The following LHB variants were observed in gnomAD, a reference collection of about 807,000 sequenced individuals.
LHB encodes the protein lutropin subunit beta.
In LHB, 11 loss-of-function variants were observed where a neutral mutation model predicts 10.6. The observed-to-expected ratio is 1.04, with a 90% confidence interval of 0.66 to 1.72. The LOEUF (loss-of-function observed/expected upper bound fraction) is 1.72, where lower values mean the gene tolerates loss of function less well. Among genes scored for constraint, LHB ranks in the 40% most tolerant of loss-of-function variants. The pLI is 0.00. For missense variants in LHB, 184 were observed against 197.3 expected, an observed-to-expected ratio of 0.93 and a Z score of 0.41; for synonymous variants, 86 against 83.1, an observed-to-expected ratio of 1.03 and a Z score of -0.19.
upstream of LHB, chr19:49,019,033 G>C: frequency 1.6e-5 from 25 of 1,516,154 alleles, no homozygotes; most frequent in Non-Finnish European, 2.2e-5. Flanking sequence ...GCATACCCAA[G>C]ACATAGATTT....
rs779403219 is a variant in LHB at position 49,016,664 on chromosome 19, C to A, written c.66G>T (p.Arg22Ser). Reference protein sequence around the residue: ...LLSMGGAWASREPLRPWCHPI... With the variant: ...LLSMGGAWASSEPLRPWCHPI... ...GGTGGCACCATGGCCGAAGCGGCTC[C>A]CTGGATGCCCATGCCCCGCCCATGC... Residue 22 changes from arginine to serine, a missense_variant, in exon 2 of 3, where the codon AGG (arginine) becomes AGT (serine). Coordinates refer to ENST00000649238, the MANE Select transcript of LHB (RefSeq NM_000894.3). 6.2e-7 allele frequency: 1 copy of A among 1,612,126 alleles called. No individual in the cohort carries two copies. The highest frequency in any genetic ancestry group is 8.5e-7 in the Non-Finnish European group (1 of 1,179,816).
At chr19:49,017,731 G>C (rs1397804350), upstream of LHB, 29 of 456,334 alleles carry the variant, frequency 6.4e-5, no homozygotes, top group Middle Eastern at 5.8e-4. Context: ...ACGCCCGCAG[G>C]GTGCGTGTCT....
At chr19:49,017,929 C>G (rs1263387132), upstream of LHB, 1 of 398,474 alleles carries the variant, frequency 2.5e-6, no homozygotes, top group African/African-American at 2.1e-5. Context: ...GGCAGCGCGG[C>G]CCTGGGGGCG....
rs376444705 is a variant in LHB at position 49,016,162 on chromosome 19, C to G, written c.332G>C (p.Gly111Ala). The G allele has an allele frequency of 5.0e-6, 8 of 1,612,598 alleles. No homozygotes were observed. The African/African-American group carries it at 5.3e-5, about 11-fold the overall frequency. Residue 111 changes from glycine to alanine, a missense_variant, in exon 3 of 3, where the codon GGA (glycine) becomes GCA (alanine). Coordinates refer to ENST00000649238, the MANE Select transcript of LHB (RefSeq NM_000894.3). Reference sequence around the variant, plus strand: ...GTCAGAGGTGCTGCGGCGGCAGGGTCCACAGCGACAGCTGAGAGCCACAGG... The same window carrying G: ...GTCAGAGGTGCTGCGGCGGCAGGGTGCACAGCGACAGCTGAGAGCCACAGG... ...SFPVALSCRC[G>A]PCRRSTSDCG...
chr19:49,018,475 G>A (rs2039593204), upstream of LHB: 6 of 497,178 alleles, frequency 1.2e-5, no homozygotes, highest in Non-Finnish European at 1.9e-5. Context: ...GACGCGACCC[G>A]GCACGCGTTG....
upstream of LHB, among the ~76,000 whole-genome samples, chr19:49,018,637 C>G (rs1221371130): frequency 6.6e-6 from 1 of 151,988 alleles, no homozygotes; most frequent in Non-Finnish European, 1.5e-5. Context: ...GGAATCCCCT[C>G]GAGCCGCTGT....
At chr19:49,019,127 C>A, upstream of LHB, 4 of 1,429,574 alleles carry the variant, frequency 2.8e-6, no homozygotes, top group African/African-American at 1.4e-5. Flanking sequence ...GGCCCTCACA[C>A]CCCGCCCCAG....
At chr19:49,017,819 C>T (rs1384137102), upstream of LHB, 11 of 399,870 alleles carry the variant, frequency 2.8e-5, no homozygotes, top group Non-Finnish European at 8.8e-6. Flanking sequence ...GAGTGGGTGT[C>T]TGGGCTAGTC....
chr19:49,017,804 C>T (rs2039583553), upstream of LHB: 1 of 400,788 alleles, frequency 2.5e-6, no homozygotes, highest in Non-Finnish European at 4.4e-6. Context: ...CGTGATGCCG[C>T]AGCTGAGTGG....
intron 1 of LHB, 126 bp downstream of exon 1, chr19:49,016,941 A>G: frequency 1.2e-6 from 2 of 1,607,336 alleles, no homozygotes; most frequent in East Asian, 2.2e-5. Context: ...CCCCACCTGA[A>G]GCTTACTGGG....
At chr19:49,017,974 C>T (rs1322576811), upstream of LHB, 3 of 398,452 alleles carry the variant, frequency 7.5e-6, no homozygotes, top group African/African-American at 6.2e-5. Context: ...CGGCTCACAC[C>T]AGCGCCGGCT....
intron 2 of LHB, 73 bp from the exon 3 acceptor site, chr19:49,016,383 C>T: frequency 1.9e-6 from 3 of 1,602,486 alleles, no homozygotes; most frequent in Middle Eastern, 2.3e-4. Flanking sequence ...CAAGCTGACC[C>T]CACAGGTCCT....
upstream of LHB, chr19:49,017,594 C>G: frequency 9.2e-7 from 1 of 1,089,358 alleles, no homozygotes; most frequent in Non-Finnish European, 1.1e-6. Context: ...CAGATGCCCC[C>G]AAGGAGGGAT....
At chr19:49,018,586 C>A (rs528397034), upstream of LHB, among the ~76,000 whole-genome samples, 138 of 152,184 alleles carry the variant, frequency 9.1e-4, no homozygotes, top group African/African-American at 3.2e-3. Flanking sequence ...GAAGGAGTAT[C>A]TGGGGGCTCA....
Position 49,016,181 on chromosome 19 carries a change from C to G in LHB, c.313G>C (p.Ala105Pro), listed in dbSNP as rs778529225. Residue 105 changes from alanine to proline, a missense_variant, in exon 3 of 3, where the codon GCT becomes CCT. Coordinates refer to ENST00000649238, the MANE Select transcript of LHB (RefSeq NM_000894.3). The stretch of plus-strand genomic sequence containing the variant: ...CAGGGTCCACAGCGACAGCTGAGAG[C>G]CACAGGGAAGGAGACCACGGGGTCC... ...GVDPVVSFPV[A>P]LSCRCGPCRR... is the part of the protein sequence containing the mutation. The G allele has an allele frequency of 6.2e-7, 1 of 1,612,634 alleles. No homozygotes were observed. Among genetic ancestry groups the G allele is most frequent in the South Asian group, 1.1e-5 (1 of 91,016 alleles).
intron 1 of LHB, 65 bp from the exon 2 acceptor site, chr19:49,016,779 C>G: frequency 6.2e-7 from 1 of 1,603,186 alleles, no homozygotes; most frequent in Non-Finnish European, 8.5e-7. Context: ...CCTTCCCATC[C>G]CGCGTGGTAC....
intron 2 of LHB, 78 bp downstream of exon 2, chr19:49,016,469 A>C: frequency 6.2e-7 from 1 of 1,603,798 alleles, no homozygotes; most frequent in South Asian, 1.1e-5. Context: ...AGAGAGGCAG[A>C]CCACCCTTCC....
upstream of LHB, chr19:49,017,495 CT>C (rs1447687472): frequency 1.8e-6 from 2 of 1,141,472 alleles, no homozygotes; most frequent in Non-Finnish European, 2.2e-6. Context: ...ACAGTCCAAC[CT>C]AACAGGAGGG....
upstream of LHB, chr19:49,017,853 G>C (rs1298497708): frequency 7.5e-6 from 3 of 398,288 alleles, no homozygotes; most frequent in Non-Finnish European, 1.3e-5. Context: ...GCCAATAGAC[G>C]TAATGAGTGC....
Sources: gnomAD v4.1 joint callset for allele counts (sites outside exome capture counted in the v4.1 genomes callset) on GRCh38, gnomAD v4.1.1 for gene constraint, MANE v1.5 for transcripts, NCBI Gene and HGNC (gene_info 2026-07-23, HGNC 2026-07-21) for gene names.